Variants in SAMTOR observed in about 807,000 individuals in gnomAD.
SAMTOR encodes S-adenosylmethionine sensor upstream of mTORC1, also known as UPF0532 protein C7orf60.
the SAMTOR span, among the ~76,000 whole-genome samples, chr7:112,888,609 T>C: frequency 1.3e-5 from 2 of 152,064 alleles, no homozygotes; most frequent in Non-Finnish European, 2.9e-5. Context: ...GTAACAAAAA[T>C]TGGGTATGCA....
the SAMTOR span, among the ~76,000 whole-genome samples, chr7:112,833,747 C>T: frequency 6.6e-6 from 1 of 152,154 alleles, no homozygotes; most frequent in Non-Finnish European, 1.5e-5. Flanking sequence ...TTAATCATAT[C>T]ATGGATTAGC....
At chr7:112,897,573 A>T in the SAMTOR span, among the ~76,000 whole-genome samples, 1 of 152,198 alleles carries the variant, frequency 6.6e-6, no homozygotes, top group Admixed American at 6.5e-5. Context: ...CTCAAAAAAC[A>T]TACAGATCAA....
the SAMTOR span, among the ~76,000 whole-genome samples, chr7:112,841,182 C>T: frequency 2.0e-5 from 3 of 152,026 alleles, no homozygotes; most frequent in Non-Finnish European, 2.9e-5. Flanking sequence ...TTAGAAAACC[C>T]CATCGTCTCA....
chr7:112,856,355 T>A, the SAMTOR span, among the ~76,000 whole-genome samples: 1 of 151,924 alleles, frequency 6.6e-6, no homozygotes, highest in African/African-American at 2.4e-5. Flanking sequence ...GTTCAAGCAG[T>A]TGTCATGCCT....
chr7:112,897,910 T>C, the SAMTOR span, among the ~76,000 whole-genome samples: 25 of 152,286 alleles, frequency 1.6e-4, no homozygotes, highest in South Asian at 8.3e-4. Flanking sequence ...TTGAAGATGA[T>C]AGGAACTCCA....
chr7:112,876,596 C>A, the SAMTOR span, among the ~76,000 whole-genome samples: 1 of 152,164 alleles, frequency 6.6e-6, no homozygotes, highest in African/African-American at 2.4e-5. Context: ...CCAGAGTTCA[C>A]AGTCTCATCT....
the SAMTOR span, among the ~76,000 whole-genome samples, chr7:112,844,501 C>T: frequency 2.0e-5 from 3 of 151,842 alleles, no homozygotes; most frequent in African/African-American, 7.3e-5. Context: ...ATCCCATTCA[C>T]AATTGGCATA....
chr7:112,857,428 C>A, the SAMTOR span, among the ~76,000 whole-genome samples: 1 of 152,024 alleles, frequency 6.6e-6, no homozygotes, highest in South Asian at 2.1e-4. Context: ...AATAAAACCA[C>A]AAAACAATGG....
chr7:112,889,843 T>G, the SAMTOR span, among the ~76,000 whole-genome samples: 2 of 152,140 alleles, frequency 1.3e-5, no homozygotes, highest in Non-Finnish European at 2.9e-5. Flanking sequence ...TGAAACTTCC[T>G]CCAGGACAGG....
the SAMTOR span, among the ~76,000 whole-genome samples, chr7:112,849,328 T>TA: frequency 6.6e-6 from 1 of 151,968 alleles, no homozygotes; most frequent in Non-Finnish European, 1.5e-5. Flanking sequence ...TTTGGTACAG[T>TA]AAAAAAAGGC....
chr7:112,919,798 C>T, the SAMTOR span, among the ~76,000 whole-genome samples: 2 of 152,250 alleles, frequency 1.3e-5, no homozygotes, highest in South Asian at 2.1e-4. Flanking sequence ...ATACAAACTA[C>T]CATGAGAGAA....
the SAMTOR span, chr7:112,939,705 C>T: frequency 6.2e-7 from 1 of 1,610,726 alleles, no homozygotes. Context: ...GGGGACCCGG[C>T]CCTCTGCGCA....
chr7:112,866,831 T>C, the SAMTOR span, among the ~76,000 whole-genome samples: 1 of 152,240 alleles, frequency 6.6e-6, no homozygotes, highest in Non-Finnish European at 1.5e-5. Context: ...TGTTTTCCAA[T>C]TAGCAGCAGA....
At chr7:112,884,807 A>C in the SAMTOR span, among the ~76,000 whole-genome samples, 2 of 152,076 alleles carry the variant, frequency 1.3e-5, no homozygotes, top group East Asian at 3.9e-4. Context: ...TCTCTTCCTA[A>C]AACTCTGCTA....
chr7:112,915,354 T>C, the SAMTOR span: 3 of 1,613,390 alleles, frequency 1.9e-6, no homozygotes, highest in African/African-American at 1.3e-5. Flanking sequence ...TTTTGCCCAA[T>C]GATTATCTGC....
the SAMTOR span, among the ~76,000 whole-genome samples, chr7:112,891,545 C>G: frequency 1.3e-5 from 2 of 152,144 alleles, no homozygotes; most frequent in Non-Finnish European, 2.9e-5. Flanking sequence ...CTTGATACCA[C>G]AAACCAACAG....
At chr7:112,830,071 C>G in the SAMTOR span, among the ~76,000 whole-genome samples, 11 of 152,026 alleles carry the variant, frequency 7.2e-5, no homozygotes, top group East Asian at 2.1e-3. Flanking sequence ...GCCTCGGTCT[C>G]CTAGGACTCT....
chr7:112,871,926 C>T, the SAMTOR span, among the ~76,000 whole-genome samples: 1 of 152,214 alleles, frequency 6.6e-6, no homozygotes, highest in Admixed American at 6.5e-5. Context: ...CACACAATGT[C>T]CAAAGATTAA....
the SAMTOR span, among the ~76,000 whole-genome samples, chr7:112,849,655 T>G: frequency 6.6e-6 from 1 of 152,174 alleles, no homozygotes; most frequent in Non-Finnish European, 1.5e-5. Context: ...GTGGTGAAAG[T>G]GGGCATCTTT....
Sources: gnomAD v4.1 joint callset for allele counts (sites outside exome capture counted in the v4.1 genomes callset) on GRCh38, gnomAD v4.1.1 for gene constraint, MANE v1.5 for transcripts, NCBI Gene and HGNC (gene_info 2026-07-23, HGNC 2026-07-21) for gene names.